The following ROBO2 variants were observed in gnomAD, a reference collection of about 807,000 sequenced individuals.
ROBO2 encodes the protein roundabout homolog 2.
In ROBO2, 53 loss-of-function variants were observed where a neutral mutation model predicts 160.8. The ratio of observed to expected loss-of-function variants is 0.33; its 90% confidence interval spans 0.26 to 0.41. The LOEUF (loss-of-function observed/expected upper bound fraction) is 0.41, where lower values mean the gene tolerates loss of function less well. Ranked by LOEUF, ROBO2 falls within the 10% of genes least tolerant of loss-of-function variation. The pLI, the probability that ROBO2 is intolerant of heterozygous loss-of-function variation, is 1.00. For missense variants in ROBO2, 1,577 were observed against 1,722.4 expected (o/e 0.92, Z 1.49); for synonymous variants, 664 against 611.7 (o/e 1.09, Z -1.26).
intron 2 of ROBO2, among the ~76,000 whole-genome samples, chr3:77,385,331 A>C (rs796792303): frequency 3.4e-4 from 52 of 152,304 alleles, no homozygotes; most frequent in African/African-American, 1.3e-3. Flanking sequence ...ACCTGGCCCA[A>C]ATATGGAGTT....
At chr3:76,809,210 A>G (rs1431228405) in intron 2 of ROBO2, among the ~76,000 whole-genome samples, 1 of 152,144 alleles carries the variant, frequency 6.6e-6, no homozygotes, top group Admixed American at 6.6e-5. Flanking sequence ...CACTAGGCTG[A>G]AATTTTATCA....
intron 1 of ROBO2, among the ~76,000 whole-genome samples, chr3:75,920,945 C>T (rs2106827772): frequency 6.6e-6 from 1 of 151,946 alleles, no homozygotes; most frequent in Non-Finnish European, 1.5e-5. Context: ...AGATGGGTCT[C>T]CTGAATACAG....
At position 77,602,510 on chromosome 3, in the gene ROBO2, T is replaced by C; in HGVS notation, c.3136+19T>C. Reference sequence around the variant, plus strand: ...AACAATGGTGAGTCAGGTTCTTGTGTCCTGAGGAGGTATTTTCATATCATT... The same window carrying C: ...AACAATGGTGAGTCAGGTTCTTGTGCCCTGAGGAGGTATTTTCATATCATT... On this transcript the variant is annotated intron_variant, in intron 20 of 25. Transcript: ENST00000461745. 9 of 1,613,290 alleles carry C rather than the reference T, an allele frequency of 5.6e-6. No individual in the cohort carries two copies. The highest frequency in any genetic ancestry group is 7.6e-6 in the Non-Finnish European group (9 of 1,179,276).
intron 2 of ROBO2, among the ~76,000 whole-genome samples, chr3:76,462,152 T>C (rs1043267785): frequency 3.3e-5 from 5 of 152,170 alleles, no homozygotes; most frequent in South Asian, 4.1e-4. Context: ...CAAAAGTGAT[T>C]TATCAAAGAC....
chr3:75,945,681 T>C (rs1455081143), intron 2 of ROBO2, among the ~76,000 whole-genome samples: 1 of 152,148 alleles, frequency 6.6e-6, no homozygotes, highest in African/African-American at 2.4e-5. Flanking sequence ...TATTTTTCAT[T>C]ACCAAATATC....
chr3:77,006,416 G>GA (rs2061584611), intron 2 of ROBO2, among the ~76,000 whole-genome samples: 1 of 151,154 alleles, frequency 6.6e-6, no homozygotes, highest in African/African-American at 2.4e-5. Context: ...GAAACTAAAG[G>GA]AAAGATAATA....
intron 19 of ROBO2, among the ~76,000 whole-genome samples, chr3:77,598,352 G>C (rs923563512): frequency 2.7e-5 from 4 of 150,680 alleles, no homozygotes; most frequent in Non-Finnish European, 5.9e-5. Context: ...TATGAGAAGG[G>C]GAACTCCCTT....
intron 1 of ROBO2, among the ~76,000 whole-genome samples, chr3:75,933,423 A>G (rs978771264): frequency 2.6e-5 from 4 of 152,184 alleles, no homozygotes; most frequent in African/African-American, 9.6e-5. Context: ...CTGCAGGCTC[A>G]CTGGCACAGC....
intron 2 of ROBO2, among the ~76,000 whole-genome samples, chr3:77,024,806 A>G (rs1308588730): frequency 1.3e-5 from 2 of 152,186 alleles, no homozygotes; most frequent in African/African-American, 2.4e-5. Context: ...TATTGTTCCA[A>G]AAATCTGCAT....
intron 2 of ROBO2, among the ~76,000 whole-genome samples, chr3:76,895,415 T>A (rs2074690869): frequency 6.6e-6 from 1 of 152,016 alleles, no homozygotes; most frequent in South Asian, 2.1e-4. Flanking sequence ...CTGTCATAAA[T>A]AAGTATTATA....
chr3:76,113,396 CAG>C (rs1296273091), intron 2 of ROBO2, among the ~76,000 whole-genome samples: 1 of 151,930 alleles, frequency 6.6e-6, no homozygotes, highest in Non-Finnish European at 1.5e-5. Flanking sequence ...TTCTTGAAGA[CAG>C]AGGTCTTTAT....
chr3:76,038,617 C>T (rs529088941), intron 2 of ROBO2, among the ~76,000 whole-genome samples: 15 of 151,906 alleles, frequency 9.9e-5, no homozygotes, highest in East Asian at 1.9e-4. Context: ...AAGCTGCATC[C>T]GGCCCACTTT....
intron 2 of ROBO2, among the ~76,000 whole-genome samples, chr3:76,743,329 T>G (rs142696799): frequency 1.1e-3 from 162 of 152,150 alleles, no homozygotes; most frequent in African/African-American, 3.6e-3. Context: ...GGAATAAAAA[T>G]GTAATGAAAT....
chr3:76,737,927 A>T (rs1490441826), intron 2 of ROBO2, among the ~76,000 whole-genome samples: 1 of 152,122 alleles, frequency 6.6e-6, no homozygotes, highest in Non-Finnish European at 1.5e-5. Context: ...CAGGCAGATC[A>T]CTTGGGTTCA....
chr3:77,253,492 A>T (rs2090608559), intron 2 of ROBO2, among the ~76,000 whole-genome samples: 1 of 152,186 alleles, frequency 6.6e-6, no homozygotes, highest in Non-Finnish European at 1.5e-5. Context: ...ATCATCTTTT[A>T]AAAAAATTAA....
At chr3:77,533,230 G>A (rs1666157) in intron 6 of ROBO2, among the ~76,000 whole-genome samples, 13 of 151,546 alleles carry the variant, frequency 8.6e-5, no homozygotes. Context: ...AAGTTATGAG[G>A]GGTGTGCATT....
chr3:76,940,784 G>T (rs2078136930), intron 2 of ROBO2, among the ~76,000 whole-genome samples: 1 of 152,084 alleles, frequency 6.6e-6, no homozygotes. Flanking sequence ...ACATCCCATT[G>T]TATCACATAA....
intron 2 of ROBO2, among the ~76,000 whole-genome samples, chr3:76,679,921 G>C (rs746400797): frequency 6.6e-6 from 1 of 152,034 alleles, no homozygotes; most frequent in Non-Finnish European, 1.5e-5. Context: ...GATTTCTTTA[G>C]TGTTATTTTT....
chr3:75,939,245 G>A (rs1947931092), intron 2 of ROBO2, among the ~76,000 whole-genome samples: 1 of 152,282 alleles, frequency 6.6e-6, no homozygotes, highest in East Asian at 1.9e-4. Flanking sequence ...AACATGACAT[G>A]TAGTATCACA....
Sources: gnomAD v4.1 joint callset for allele counts (sites outside exome capture counted in the v4.1 genomes callset) on GRCh38, gnomAD v4.1.1 for gene constraint, MANE v1.5 for transcripts, NCBI Gene and HGNC (gene_info 2026-07-23, HGNC 2026-07-21) for gene names.